OPHN1: variants seen among roughly 807,000 people sequenced by gnomAD.
OPHN1 encodes oligophrenin-1.
In OPHN1, 11 loss-of-function variants were observed where a neutral mutation model predicts 60.7. The ratio of observed to expected loss-of-function variants is 0.18; its 90% CI spans 0.11 to 0.30. OPHN1 has a LOEUF of 0.30. OPHN1 is among the 10% of genes least tolerant of loss of function. The pLI is 1.00. For missense variants in OPHN1, 449 were observed against 611.0 expected, an observed-to-expected ratio of 0.73 and a Z score of 2.80; for synonymous variants, 226 against 222.6, an observed-to-expected ratio of 1.02 and a Z score of -0.14.
chrX:68,287,148 AGAAAGAAG>A (rs1410828157), intron 3 of OPHN1, among the ~76,000 whole-genome samples: 1 of 87,284 alleles, frequency 1.1e-5, no homozygotes, highest in Non-Finnish European at 2.3e-5. Flanking sequence ...GAAGGAAGGA[AGAAAGAAG>A]GAAAGAAAGA....
chrX:68,285,000 T>C (rs1374195438), intron 3 of OPHN1, among the ~76,000 whole-genome samples: 2 of 112,140 alleles, frequency 1.8e-5, no homozygotes, highest in African/African-American at 6.5e-5. Context: ...GGGTCAACTA[T>C]ATTTAGTATT....
rs765794728 is a variant in OPHN1 at position 68,250,056 on chromosome X, C to T, written c.385-15468G>A. On this transcript the variant is annotated intron_variant, in intron 5 of 24. Transcript: ENST00000355520. ...AAAAGGAGATGGCACAGTTCAGCAA[C>T]TTCTCAGACAGCCAAGATACATGGG... Among the ~76,000 whole-genome samples the T allele has an allele frequency of 1.2e-4, 13 of 112,282 alleles. No homozygotes were observed. In the South Asian group the frequency reaches 4.1e-3, roughly 35 times the overall value.
intron 5 of OPHN1, among the ~76,000 whole-genome samples, chrX:68,236,254 G>C (rs1375328079): frequency 9.0e-6 from 1 of 111,544 alleles, no homozygotes; most frequent in Admixed American, 9.6e-5. Flanking sequence ...AGGACAAACT[G>C]TTCCTCCAGC....
intron 5 of OPHN1, among the ~76,000 whole-genome samples, chrX:68,237,805 T>C (rs897442220): frequency 8.9e-6 from 1 of 111,866 alleles, no homozygotes; most frequent in Non-Finnish European, 1.9e-5. Context: ...ATTTTCTATA[T>C]ACAACATGAA....
intron 5 of OPHN1, among the ~76,000 whole-genome samples, chrX:68,249,390 C>A (rs770814318): frequency 8.9e-6 from 1 of 111,959 alleles, no homozygotes; most frequent in Non-Finnish European, 1.9e-5. Context: ...AGCTTTGCAC[C>A]ATTCCTTGAG....
intron 3 of OPHN1, among the ~76,000 whole-genome samples, chrX:68,285,378 C>A (rs190856122): frequency 8.9e-6 from 1 of 111,743 alleles, no homozygotes; most frequent in African/African-American, 3.2e-5. Flanking sequence ...TCCTTCCAAA[C>A]ACTGTTTTAG....
Position 68,077,699 on chromosome X carries a change from T to C in OPHN1, c.1687-4400A>G, listed in dbSNP as rs1414538571. On this transcript the variant is annotated intron_variant, in intron 19 of 24. Transcript: ENST00000355520. ...TGTTAACAATCACAATCATAACCTCTAGGAAAGTGAATAGGATTACAGAGG... is the reference window on the plus strand; with the variant it reads ...TGTTAACAATCACAATCATAACCTCCAGGAAAGTGAATAGGATTACAGAGG... Among the ~76,000 whole-genome samples, 3 of 112,327 alleles carry C rather than the reference T, an allele frequency of 2.7e-5. No individual in the cohort carries two copies. In the East Asian group the frequency reaches 8.3e-4, roughly 31 times the overall value.
intron 8 of OPHN1, among the ~76,000 whole-genome samples, chrX:68,211,637 C>T (rs1158677373): frequency 1.8e-5 from 2 of 112,113 alleles, no homozygotes; most frequent in African/African-American, 6.5e-5. Context: ...TAAGAACCAG[C>T]ATGACAAAGA....
At chrX:68,157,786 A>G (rs1293077537) in intron 15 of OPHN1, among the ~76,000 whole-genome samples, 1 of 112,398 alleles carries the variant, frequency 8.9e-6, no homozygotes, top group East Asian at 2.8e-4. Flanking sequence ...CATACCACAA[A>G]ACACAAAACA....
rs968758729 is a variant in OPHN1, at chrX:68,046,576, T to C, written c.*596A>G. On this transcript the variant is annotated 3_prime_UTR_variant, in exon 25 of 25. Coordinates refer to ENST00000355520, the MANE Select transcript of OPHN1 (RefSeq NM_002547.3). ...GTGGGGGCATCACTCATCCCACTCA[T>C]AGCCTCGCAGGAGCAGACGGGCTCT... 1.4e-4 allele frequency: 16 copies of C among 112,252 alleles called. No individual in the cohort carries two copies. The highest frequency in any genetic ancestry group is 2.8e-4 in the East Asian group (1 of 3,533). The allele number at this position is 112,252 out of a possible 1,213,427, so 9.3% of individuals were successfully genotyped here.
At chrX:68,422,805 G>C (rs1221879126) in intron 2 of OPHN1, among the ~76,000 whole-genome samples, 1 of 94,786 alleles carries the variant, frequency 1.1e-5, no homozygotes, top group Non-Finnish European at 2.1e-5. Context: ...GAGGGAGGGA[G>C]GGAGGGAAAA....
At chrX:68,059,972 T>C (rs910428480) in intron 21 of OPHN1, among the ~76,000 whole-genome samples, 1 of 111,810 alleles carries the variant, frequency 8.9e-6, no homozygotes, top group Non-Finnish European at 1.9e-5. Context: ...CCACAAACCT[T>C]TGGAAGGCAG....
chrX:68,254,053 T>C (rs186382724), intron 5 of OPHN1, among the ~76,000 whole-genome samples: 250 of 111,764 alleles, frequency 2.2e-3, no homozygotes, highest in African/African-American at 7.9e-3. Context: ...ATTACATGTT[T>C]CTCTCTCAGA....
chrX:68,303,680 A>C (rs1180780814), intron 2 of OPHN1, among the ~76,000 whole-genome samples: 1 of 110,784 alleles, frequency 9.0e-6, no homozygotes, highest in Non-Finnish European at 1.9e-5. Context: ...AAAATGTAAT[A>C]TATATACACA....
At chrX:68,082,871 A>G (rs1255367505) in intron 19 of OPHN1, among the ~76,000 whole-genome samples, 1 of 111,058 alleles carries the variant, frequency 9.0e-6, no homozygotes, top group Non-Finnish European at 1.9e-5. Flanking sequence ...TTCCAACAGA[A>G]GGCTATTTCA....
Position 68,113,215 on chromosome X carries a change from G to C in OPHN1, c.1386C>G (p.Thr462=). The C allele has an allele frequency of 8.3e-7, 1 of 1,207,482 alleles. No homozygotes were observed. Among genetic ancestry groups the C allele is most frequent in the Non-Finnish European group, 1.1e-6 (1 of 891,956 alleles). ...YLRNLSEPVM[T]YRLHKELVSA... is the part of the protein sequence containing the mutation. ...AGACCAGCTCTTTGTGAAGTCTATA[G>C]GTCATGACAGGTTCAGAAAGATTCC... is the stretch of plus-strand genomic sequence containing the variant. The change falls in exon 17 of 25, where the codon ACC becomes ACG. Residue 462 remains threonine (T), a synonymous_variant. Coordinates refer to ENST00000355520, the MANE Select transcript of OPHN1 (RefSeq NM_002547.3).
chrX:68,428,722 C>A (rs1279508356), intron 2 of OPHN1, among the ~76,000 whole-genome samples: 1 of 112,147 alleles, frequency 8.9e-6, no homozygotes, highest in East Asian at 2.8e-4. Flanking sequence ...CTGAATAATG[C>A]CTAGCCTCAG....
chrX:68,237,087 G>A (rs2077756415), intron 5 of OPHN1, among the ~76,000 whole-genome samples: 1 of 111,943 alleles, frequency 8.9e-6, no homozygotes, highest in African/African-American at 3.3e-5. Context: ...CTGGGTTCAA[G>A]AGATTCTCCT....
At chrX:68,150,893 ACTT>A (rs758602097) in intron 15 of OPHN1, among the ~76,000 whole-genome samples, 112 of 111,978 alleles carry the variant, frequency 1.0e-3, no homozygotes, top group Non-Finnish European at 1.3e-3. Flanking sequence ...TTATTATAAC[ACTT>A]CTTATTTATT....
Sources: gnomAD v4.1 joint callset for allele counts (sites outside exome capture counted in the v4.1 genomes callset) on GRCh38, gnomAD v4.1.1 for gene constraint, MANE v1.5 for transcripts, NCBI Gene and HGNC (gene_info 2026-07-23, HGNC 2026-07-21) for gene names.